The following KCNB2 variants were observed in gnomAD, a reference collection of about 807,000 sequenced individuals.
The protein encoded by KCNB2 is potassium voltage-gated channel subfamily B member 2.
Under a neutral mutation model 61.5 loss-of-function variants are expected in KCNB2, and 15 were observed. The ratio of observed to expected loss-of-function variants is 0.24; its 90% CI spans 0.16 to 0.38. The LOEUF (loss-of-function observed/expected upper bound fraction) is 0.38, where lower values mean the gene tolerates loss of function less well. KCNB2 is among the 10% of genes least tolerant of loss of function. The pLI, the probability that KCNB2 is intolerant of heterozygous loss-of-function variation, is 1.00. For missense variants in KCNB2, 828 were observed against 1,125.2 expected (o/e 0.74, Z 3.78); for synonymous variants, 457 against 446.0 (o/e 1.02, Z -0.31).
chr8:72,695,456 T>C (rs1171313064), intron 2 of KCNB2, among the ~76,000 whole-genome samples: 1 of 152,158 alleles, frequency 6.6e-6, no homozygotes, highest in Admixed American at 6.5e-5. Context: ...GAGTGACCTG[T>C]TTGTCCATGT....
At position 72,629,436 on chromosome 8, in the gene KCNB2, A is replaced by G. The variant is rs1418892272; in HGVS notation, c.579+61123A>G. On this transcript the variant is annotated intron_variant, in intron 2 of 2. Coordinates refer to ENST00000523207, the MANE Select transcript of KCNB2 (RefSeq NM_004770.3). ...TTTACACAGTATCTCAATGAAAAAC[A>G]AACTTCTCTTCCAGAATTTCCAAAG... Among the ~76,000 whole-genome samples the G allele has an allele frequency of 2.0e-5, 3 of 152,212 alleles. 1 individual carries two copies. Among genetic ancestry groups the G allele is most frequent in the African/African-American group, 7.2e-5 (3 of 41,454 alleles).
At chr8:72,813,613 C>T (rs1467403934) in intron 2 of KCNB2, among the ~76,000 whole-genome samples, 3 of 152,174 alleles carry the variant, frequency 2.0e-5, no homozygotes, top group Non-Finnish European at 2.9e-5. Context: ...ATTAGCTTGT[C>T]TCTTCACAAG....
At chr8:72,644,776 A>G (rs1806105114) in intron 2 of KCNB2, among the ~76,000 whole-genome samples, 1 of 152,136 alleles carries the variant, frequency 6.6e-6, no homozygotes, top group Admixed American at 6.6e-5. Context: ...ACTTTATCTC[A>G]TTTAGTCCTT....
chr8:72,816,262 A>C (rs1039355783), intron 2 of KCNB2, among the ~76,000 whole-genome samples: 3 of 152,188 alleles, frequency 2.0e-5, no homozygotes, highest in Admixed American at 1.3e-4. Flanking sequence ...CTCAAATTTA[A>C]GCTAGATCCC....
rs891483864 is a variant in KCNB2 at position 72,823,242 on chromosome 8, A to C, written c.580-112693A>C. ...GACCCAGCAGAAGCCAGAAAGAGAA[A>C]GCCACCATGAGTCATGCTGTGCAAT... On this transcript the variant is annotated intron_variant, in intron 2 of 2. Transcript: ENST00000523207. 5.3e-5 allele frequency among the ~76,000 whole-genome samples: 8 copies of C among 152,162 alleles called. No individual in the cohort carries two copies. In the South Asian group the frequency reaches 1.5e-3, roughly 28 times the overall value.
intron 2 of KCNB2, among the ~76,000 whole-genome samples, chr8:72,893,137 T>C (rs887256193): frequency 6.6e-6 from 1 of 151,902 alleles, no homozygotes; most frequent in Non-Finnish European, 1.5e-5. Flanking sequence ...TGGCATGGTA[T>C]ATGATTTGCT....
At chr8:72,610,233 T>C (rs1805516620) in intron 2 of KCNB2, among the ~76,000 whole-genome samples, 1 of 152,186 alleles carries the variant, frequency 6.6e-6, no homozygotes, top group South Asian at 2.1e-4. Flanking sequence ...TGTACTGAAA[T>C]ATAATCCCCT....
At chr8:72,684,643 A>G (rs1806818170) in intron 2 of KCNB2, among the ~76,000 whole-genome samples, 1 of 152,216 alleles carries the variant, frequency 6.6e-6, no homozygotes, top group South Asian at 2.1e-4. Context: ...ATAAAGCCCT[A>G]GTATAGTATA....
intron 2 of KCNB2, among the ~76,000 whole-genome samples, chr8:72,683,893 GC>G (rs1334453860): frequency 6.6e-6 from 1 of 152,138 alleles, no homozygotes; most frequent in Non-Finnish European, 1.5e-5. Flanking sequence ...GGAAACGTTG[GC>G]AGGAGCTAGG....
At chr8:72,859,561 A>G (rs1810261723) in intron 2 of KCNB2, among the ~76,000 whole-genome samples, 1 of 151,696 alleles carries the variant, frequency 6.6e-6, no homozygotes, top group South Asian at 2.1e-4. Flanking sequence ...CCACTAATCT[A>G]CTTTTTGTCT....
At chr8:72,589,276 T>C (rs1807048787) in intron 2 of KCNB2, among the ~76,000 whole-genome samples, 1 of 152,246 alleles carries the variant, frequency 6.6e-6, no homozygotes, top group Non-Finnish European at 1.5e-5. Flanking sequence ...AGAAGATTTA[T>C]TTGTAATTTT....
At chr8:72,814,884 A>G (rs1809366846) in intron 2 of KCNB2, among the ~76,000 whole-genome samples, 1 of 152,190 alleles carries the variant, frequency 6.6e-6, no homozygotes, top group African/African-American at 2.4e-5. Flanking sequence ...AATTACAGAG[A>G]AAACAGTGGG....
At position 72,567,950 on chromosome 8, in the gene KCNB2, C is replaced by T. The variant is rs762910535; in HGVS notation, c.216C>T (p.Ser72=). 1.9e-6 allele frequency: 3 copies of T among 1,613,764 alleles called. No individual in the cohort carries two copies. Among genetic ancestry groups the T allele is most frequent in the Non-Finnish European group, 2.5e-6 (3 of 1,179,842 alleles). ...GKLRDCNTHE[S]LLEVCDDYNL... Reference sequence around the variant, plus strand: ...TTCGAGACTGCAACACACACGAGAGCCTCCTGGAAGTGTGCGACGACTATA... The same window carrying T: ...TTCGAGACTGCAACACACACGAGAGTCTCCTGGAAGTGTGCGACGACTATA... The change falls in exon 2 of 3, where the codon AGC becomes AGT. Residue 72 remains serine (S), a synonymous_variant. Coordinates refer to ENST00000523207, the MANE Select transcript of KCNB2 (RefSeq NM_004770.3).
chr8:72,549,267 C>T (rs984902065), intron 1 of KCNB2, among the ~76,000 whole-genome samples: 8 of 152,182 alleles, frequency 5.3e-5, no homozygotes, highest in Admixed American at 3.3e-4. Context: ...GTAAAGGCAG[C>T]ACTCCCACGC....
chr8:72,640,926 G>T (rs1585801391), intron 2 of KCNB2, among the ~76,000 whole-genome samples: 1 of 152,086 alleles, frequency 6.6e-6, no homozygotes, highest in Admixed American at 6.6e-5. Context: ...GGTCTTCAGT[G>T]CCCTCTCCAG....
chr8:72,646,492 A>G (rs1210236070), intron 2 of KCNB2, among the ~76,000 whole-genome samples: 1 of 152,164 alleles, frequency 6.6e-6, no homozygotes, highest in East Asian at 1.9e-4. Context: ...TATTCAGACA[A>G]GGGTTATACT....
At chr8:72,588,847 G>A (rs1190643436) in intron 2 of KCNB2, among the ~76,000 whole-genome samples, 1 of 152,146 alleles carries the variant, frequency 6.6e-6, no homozygotes, top group Non-Finnish European at 1.5e-5. Flanking sequence ...TGTGAACTAT[G>A]ATGGCACCAC....
chr8:72,587,089 T>C (rs1807012397), intron 2 of KCNB2, among the ~76,000 whole-genome samples: 1 of 152,212 alleles, frequency 6.6e-6, no homozygotes, highest in Non-Finnish European at 1.5e-5. Flanking sequence ...GTTCTTGAGA[T>C]TTTTTTCCTG....
rs750539336 is a variant in KCNB2 at position 72,937,709 on chromosome 8, C to A, written c.2354C>A (p.Ser785Tyr). Reference sequence around the variant, plus strand: ...TGTCAGGGACCTTCCAAAGGGCTGTCCCCCAGGTTTCCCAAGCAGAAACTG... The same window carrying A: ...TGTCAGGGACCTTCCAAAGGGCTGTACCCCAGGTTTCCCAAGCAGAAACTG... The part of the protein sequence containing the change: ...APCQGPSKGL[S>Y]PRFPKQKLFP... Residue 785 changes from serine to tyrosine, a missense_variant, in exon 3 of 3, where the codon TCC becomes TAC. Physicochemically the swap from Ser to Tyr is moderately radical, Grantham distance 144 (BLOSUM62 -2). Coordinates refer to ENST00000523207, the MANE Select transcript of KCNB2 (RefSeq NM_004770.3). 1 of 1,613,908 alleles carries A rather than the reference C, an allele frequency of 6.2e-7. No individual in the cohort carries two copies. Among genetic ancestry groups the A allele is most frequent in the Non-Finnish European group, 8.5e-7 (1 of 1,179,948 alleles).
Sources: gnomAD v4.1 joint callset for allele counts (sites outside exome capture counted in the v4.1 genomes callset) on GRCh38, gnomAD v4.1.1 for gene constraint, MANE v1.5 for transcripts, NCBI Gene and HGNC (gene_info 2026-07-23, HGNC 2026-07-21) for gene names.